The following LATS2 variants were observed in gnomAD, a reference collection of about 807,000 sequenced individuals.
The protein encoded by LATS2 is large tumor suppressor kinase 2.
A neutral mutation model predicts 76.0 loss-of-function variants in LATS2; 24 were observed. That is an observed-to-expected ratio of 0.32 (90% CI 0.23 to 0.44). LATS2 has a LOEUF of 0.44. Ranked by LOEUF, LATS2 falls within the 20% of genes least tolerant of loss-of-function variation. The pLI is 1.00. For synonymous variants in LATS2, 692 were observed against 635.4 expected (o/e 1.09, Z -1.34); for missense variants, 1,286 against 1,481.2 (o/e 0.87, Z 2.16).
intron 1 of LATS2, among the ~76,000 whole-genome samples, chr13:21,052,694 A>G (rs1403061385): frequency 6.6e-6 from 1 of 152,170 alleles, no homozygotes; most frequent in Admixed American, 6.5e-5. Context: ...TGATGCTTAG[A>G]AAGTTAAAGT....
chr13:21,029,242 T>C (rs1419828908), intron 2 of LATS2, among the ~76,000 whole-genome samples: 1 of 152,246 alleles, frequency 6.6e-6, no homozygotes, highest in African/African-American at 2.4e-5. Flanking sequence ...TTGAGGAAGT[T>C]GCCTTTTATT....
At chr13:20,994,314 T>G (rs1565947650) in intron 2 of LATS2, among the ~76,000 whole-genome samples, 2 of 152,320 alleles carry the variant, frequency 1.3e-5, no homozygotes, top group East Asian at 3.9e-4. Context: ...CAACCCTTCT[T>G]TAGCAAGTAA....
chr13:21,021,474 CAAAAAAAAAAAAA>C (rs58976562), intron 2 of LATS2, among the ~76,000 whole-genome samples: 36 of 48,376 alleles, frequency 7.4e-4, no homozygotes, highest in South Asian at 2.5e-3. Flanking sequence ...GACTCTGTCT[CAAAAAAAAAAAAA>C]AAAAAAAAAA....
chr13:21,059,156 G>A (rs1286548255), intron 1 of LATS2, among the ~76,000 whole-genome samples: 1 of 152,030 alleles, frequency 6.6e-6, no homozygotes, highest in Admixed American at 6.5e-5. Context: ...ATTAAAATAC[G>A]GGCAAACTTT....
At chr13:21,030,613 A>AAAAAAAAAAAAAAGAAAAG (rs1565960105) in intron 2 of LATS2, among the ~76,000 whole-genome samples, 2 of 19,518 alleles carry the variant, frequency 1.0e-4, no homozygotes, top group Non-Finnish European at 3.2e-4. Context: ...AAAAAAAAAG[A>AAAAAAAAAAAAAAGAAAAG]AAAAAAAAAA....
intron 7 of LATS2, among the ~76,000 whole-genome samples, chr13:20,978,698 A>G (rs1284892030): frequency 1.3e-5 from 2 of 152,196 alleles, no homozygotes; most frequent in African/African-American, 4.8e-5. Flanking sequence ...TGAAGATGAC[A>G]AAGATGGAGA....
chr13:21,041,263 C>T (rs1235281957), intron 2 of LATS2, among the ~76,000 whole-genome samples: 5 of 151,978 alleles, frequency 3.3e-5, no homozygotes, highest in East Asian at 3.9e-4. Flanking sequence ...TGAGCCACCG[C>T]GCCTGGCCCA....
intron 2 of LATS2, among the ~76,000 whole-genome samples, chr13:20,994,343 T>C (rs1870648373): frequency 6.6e-6 from 1 of 152,222 alleles, no homozygotes; most frequent in South Asian, 2.1e-4. Flanking sequence ...TATCTGTACA[T>C]TAAATCTCAG....
chr13:21,019,394 T>A (rs1871947622), intron 2 of LATS2, among the ~76,000 whole-genome samples: 1 of 149,768 alleles, frequency 6.7e-6, no homozygotes, highest in Admixed American at 6.6e-5. Flanking sequence ...TGGCGCAATC[T>A]CAGCTCACTG....
Position 21,019,567 on chromosome 13 carries a change from T to A in LATS2, c.342+26118A>T, listed in dbSNP as rs963715467. Among the ~76,000 whole-genome samples the A allele has an allele frequency of 8.2e-5, 11 of 133,808 alleles. No homozygotes were observed. In the East Asian group the frequency reaches 1.0e-3, roughly 13 times the overall value. The allele number at this position is 133,808 out of a possible 152,430, so 87.8% of individuals were successfully genotyped here. On this transcript the variant is annotated intron_variant, in intron 2 of 7. Transcript: ENST00000382592. Reference sequence around the variant, plus strand: ...CATGTTGGCCAGGCTGGTCTCGAACTCCTGACCTCAGGTGATCTGCCTGCC... The same window carrying A: ...CATGTTGGCCAGGCTGGTCTCGAACACCTGACCTCAGGTGATCTGCCTGCC...
intron 2 of LATS2, chr13:21,017,939 C>T (rs1436204252): frequency 6.6e-6 from 1 of 152,114 alleles, no homozygotes; most frequent in Non-Finnish European, 1.5e-5. Flanking sequence ...TTCATTTCTT[C>T]ATACTAATAA....
At chr13:21,045,018 C>T (rs1219875100) in intron 2 of LATS2, among the ~76,000 whole-genome samples, 2 of 152,142 alleles carry the variant, frequency 1.3e-5, no homozygotes, top group East Asian at 3.9e-4. Context: ...TGAGCCACCA[C>T]ACTCATCTCT....
intron 2 of LATS2, among the ~76,000 whole-genome samples, chr13:20,997,167 G>C (rs1382273948): frequency 6.6e-6 from 1 of 152,182 alleles, no homozygotes; most frequent in African/African-American, 2.4e-5. Flanking sequence ...GACAAACTGA[G>C]GTTTCACTGG....
intron 1 of LATS2, among the ~76,000 whole-genome samples, chr13:21,055,533 T>G (rs1380686934): frequency 6.6e-6 from 1 of 152,326 alleles, no homozygotes; most frequent in East Asian, 1.9e-4. Context: ...GAGAGCAAAA[T>G]TTTAAGCATG....
chr13:20,996,377 A>AT (rs34278498), intron 2 of LATS2, among the ~76,000 whole-genome samples: 11,174 of 136,764 alleles, frequency 0.082, 568 homozygotes, highest in Admixed American at 0.16. Flanking sequence ...GTGGTAGAAG[A>AT]TTTTTTTTTT....
Position 20,988,602 on chromosome 13 carries a change from TGCGCGC to T in LATS2, c.1172_1177del (p.Arg391_Ala392del). ...TGGGCAGTCAGGCCGGAAGGCCACG[TGCGCGC>T]GCGGCGGCGCCTCCAGGCCCGGCTT... On this transcript the variant is annotated inframe_deletion, in exon 4 of 8. Transcript: ENST00000382592. The T allele has an allele frequency of 6.3e-7, 1 of 1,589,824 alleles. No individual in the cohort carries two copies. Among genetic ancestry groups the T allele is most frequent in the South Asian group, 1.1e-5 (1 of 90,290 alleles).
chr13:21,054,906 C>G (rs576995329), intron 1 of LATS2, among the ~76,000 whole-genome samples: 1 of 152,290 alleles, frequency 6.6e-6, no homozygotes, highest in East Asian at 1.9e-4. Context: ...ACAAGCTGTT[C>G]TGATTTTTTC....
chr13:21,007,761 T>TATA (rs57849094), intron 2 of LATS2, among the ~76,000 whole-genome samples: 12 of 7,786 alleles, frequency 1.5e-3, no homozygotes, highest in African/African-American at 4.4e-3. Flanking sequence ...TATATATATA[T>TATA]TTTTTTTTTT....
At chr13:21,058,246 G>A (rs550397489) in intron 1 of LATS2, among the ~76,000 whole-genome samples, 1 of 152,286 alleles carries the variant, frequency 6.6e-6, no homozygotes, top group Non-Finnish European at 1.5e-5. Context: ...AAGTCAGTAA[G>A]AAATACTGTT....
Sources: gnomAD v4.1 joint callset for allele counts (sites outside exome capture counted in the v4.1 genomes callset) on GRCh38, gnomAD v4.1.1 for gene constraint, MANE v1.5 for transcripts, NCBI Gene and HGNC (gene_info 2026-07-23, HGNC 2026-07-21) for gene names.